The following NRG4 variants were observed in gnomAD, a reference collection of about 807,000 sequenced individuals.
NRG4 encodes neuregulin 4, also known as pro-neuregulin-4, membrane-bound isoform.
Under a neutral mutation model 15.0 loss-of-function variants are expected in NRG4, and 10 were observed. The observed-to-expected ratio is 0.67, with a 90% CI of 0.41 to 1.13. The LOEUF (loss-of-function observed/expected upper bound fraction) is 1.13. Among genes scored for constraint, NRG4 ranks in the 50% most tolerant of loss-of-function variants. The probability of loss-of-function intolerance (pLI) is 0.00; values close to 1 mark genes in which losing one functional copy is unlikely to be tolerated. For synonymous variants in NRG4, 41 were observed against 50.1 expected (o/e 0.82, Z 0.77); for missense variants, 139 against 140.2 (o/e 0.99, Z 0.04).
At position 76,057,369 on chromosome 15, in the gene NRG4, T is replaced by C. The variant is rs187176329; in HGVS notation, c.-327-350A>G. ...AGCAAGTGTTCCCAAGTGAGTCTTA[T>C]AAGCCAGTTAAGTTCAAGAATAATG... On this transcript the variant is annotated intron_variant, in intron 1 of 8. Transcript: ENST00000563910. The C allele has an allele frequency of 2.6e-5, 4 of 152,322 alleles. No individual in the cohort carries two copies. In the East Asian group the frequency reaches 7.7e-4, roughly 29 times the overall value. The allele number at this position is 152,322 out of a possible 1,614,324, so 9.4% of individuals were successfully genotyped here.
At chr15:76,023,257 T>C (rs929730417) in intron 5 of NRG4, among the ~76,000 whole-genome samples, 3 of 149,274 alleles carry the variant, frequency 2.0e-5, no homozygotes, top group Non-Finnish European at 4.5e-5. Context: ...TGGAGTGCAG[T>C]AGGGGAGTGG....
intron 3 of NRG4, among the ~76,000 whole-genome samples, chr15:75,964,616 G>GT (rs1450075997): frequency 6.6e-6 from 1 of 152,164 alleles, no homozygotes; most frequent in African/African-American, 2.4e-5. Flanking sequence ...TCTTAAGGCT[G>GT]TTTGAGTTTA....
At position 76,049,163 on chromosome 15, in the gene NRG4, C is replaced by T. The variant is rs941171847; in HGVS notation, c.-105+2904G>A. Among the ~76,000 whole-genome samples, 2 of 150,712 alleles carry T rather than the reference C, an allele frequency of 1.3e-5. 1 individual carries two copies. Among genetic ancestry groups the T allele is most frequent in the African/African-American group, 5.0e-5 (2 of 40,336 alleles). On this transcript the variant is annotated intron_variant, in intron 4 of 8. Coordinates refer to the NRG4 transcript ENST00000563910. ...TTCATATGTGTGTGCCCTTCTCAGG[C>T]CTGGGGTAATTATCATCCCCTTCCA...
intron 5 of NRG4, among the ~76,000 whole-genome samples, chr15:76,027,804 TA>T (rs1030722939): frequency 6.6e-6 from 1 of 152,076 alleles, no homozygotes; most frequent in East Asian, 1.9e-4. Flanking sequence ...CTCAAATTTT[TA>T]AAAAAATTGA....
At chr15:76,006,539 G>A (rs1232267803) in intron 3 of NRG4, among the ~76,000 whole-genome samples, 1 of 151,850 alleles carries the variant, frequency 6.6e-6, no homozygotes, top group East Asian at 1.9e-4. Context: ...TTCCTTCCAG[G>A]GTGTTTAGCA....
At chr15:75,949,591 C>T (rs1013145760) in intron 5 of NRG4, among the ~76,000 whole-genome samples, 7 of 152,158 alleles carry the variant, frequency 4.6e-5, no homozygotes, top group Admixed American at 3.9e-4. Flanking sequence ...TTTAAATTTA[C>T]ATGAAGCCCA....
intron 3 of NRG4, among the ~76,000 whole-genome samples, chr15:75,973,162 G>A (rs1307814546): frequency 1.3e-5 from 2 of 151,986 alleles, no homozygotes; most frequent in East Asian, 3.9e-4. Context: ...TCATGATTTG[G>A]CTCTCTGTTT....
At chr15:75,988,221 T>A (rs751831091) in intron 3 of NRG4, among the ~76,000 whole-genome samples, 1 of 152,210 alleles carries the variant, frequency 6.6e-6, no homozygotes, top group Non-Finnish European at 1.5e-5. Context: ...AGTCTCACTC[T>A]GTCACCCAGG....
chr15:76,002,561 G>A (rs1054186456), intron 3 of NRG4, among the ~76,000 whole-genome samples: 5 of 151,914 alleles, frequency 3.3e-5, no homozygotes, highest in Non-Finnish European at 5.9e-5. Context: ...AGAGACTATC[G>A]GATTGAATTT....
At chr15:76,019,121 GT>G (rs987476734) in intron 5 of NRG4, among the ~76,000 whole-genome samples, 1 of 152,046 alleles carries the variant, frequency 6.6e-6, no homozygotes, top group African/African-American at 2.4e-5. Flanking sequence ...AGGCGGCTTT[GT>G]TTACACTGTG....
intron 3 of NRG4, among the ~76,000 whole-genome samples, chr15:76,007,487 C>T (rs57737646): frequency 0.045 from 6,689 of 147,410 alleles, 279 homozygotes; most frequent in African/African-American, 0.11. Flanking sequence ...TGGAGTGCAG[C>T]GGTGTGATCT....
chr15:75,971,171 C>G (rs948349770), intron 3 of NRG4: 7 of 448,044 alleles, frequency 1.6e-5, no homozygotes, highest in South Asian at 1.1e-4. Flanking sequence ...ATTACCTGTA[C>G]ATATGTGTGT....
chr15:75,954,267 T>TG lies in NRG4; in HGVS notation c.331+1664_331+1665insC, dbSNP rs201770710. ...TACCATCCAGTTTTTGTTTTTTTGTTTTTTTTTTTTTGATCTCAGACACTA... is the reference window on the plus strand; with the variant it reads ...TACCATCCAGTTTTTGTTTTTTTGTTGTTTTTTTTTTTGATCTCAGACACTA... On this transcript the variant is annotated intron_variant, in intron 5 of 5. Coordinates refer to ENST00000394907, the MANE Select transcript of NRG4 (RefSeq NM_138573.4). Among the ~76,000 whole-genome samples the TG allele has an allele frequency of 3.7e-3, 551 of 148,464 alleles. 3 individuals carry two copies. Among genetic ancestry groups the TG allele is most frequent in the African/African-American group, 0.012 (502 of 40,900 alleles).
intron 5 of NRG4, among the ~76,000 whole-genome samples, chr15:75,943,867 T>TTCAAG (rs1271464879): frequency 1.3e-5 from 2 of 152,062 alleles, no homozygotes; most frequent in Non-Finnish European, 2.9e-5. Flanking sequence ...AGATTCCCCA[T>TTCAAG]TCAAGTCTCA....
intron 3 of NRG4, among the ~76,000 whole-genome samples, chr15:75,988,361 T>C (rs2033878496): frequency 6.6e-6 from 1 of 152,096 alleles, no homozygotes; most frequent in Non-Finnish European, 1.5e-5. Flanking sequence ...AACTTTTATA[T>C]TTTTTAGGAG....
At chr15:75,990,192 G>A (rs753766466) in intron 3 of NRG4, among the ~76,000 whole-genome samples, 1 of 152,166 alleles carries the variant, frequency 6.6e-6, no homozygotes, top group African/African-American at 2.4e-5. Flanking sequence ...TGTAGCATCT[G>A]ACAAGATAAT....
intron 5 of NRG4, among the ~76,000 whole-genome samples, chr15:75,947,836 A>T (rs1206666129): frequency 1.3e-5 from 2 of 152,222 alleles, no homozygotes; most frequent in Non-Finnish European, 2.9e-5. Flanking sequence ...TTGTATCAAT[A>T]GTAGTCACCA....
intron 4 of NRG4, among the ~76,000 whole-genome samples, chr15:75,958,104 C>A (rs1468905702): frequency 1.3e-5 from 2 of 152,212 alleles, no homozygotes; most frequent in East Asian, 3.9e-4. Context: ...GCTCCACCTC[C>A]CAGGTTCACG....
intron 5 of NRG4, among the ~76,000 whole-genome samples, chr15:76,034,189 G>A (rs2035545043): frequency 6.6e-6 from 1 of 152,150 alleles, no homozygotes; most frequent in Non-Finnish European, 1.5e-5. Flanking sequence ...ATAGGCAAAA[G>A]ATAAGATATC....
Sources: allele counts gnomAD v4.1 joint callset (sites outside exome capture counted in the v4.1 genomes callset), GRCh38; gene constraint gnomAD v4.1.1; transcripts MANE v1.5; gene names NCBI Gene and HGNC (gene_info 2026-07-23, HGNC 2026-07-21).